Variants in TMEM208 observed in about 807,000 individuals in gnomAD.
The protein encoded by TMEM208 is transmembrane protein 208.
TMEM208 carries 19 observed loss-of-function variants against 26.4 expected under a neutral mutation model. That is an observed-to-expected ratio of 0.72 (90% confidence interval 0.50 to 1.06). TMEM208 has a LOEUF of 1.06. Among genes scored for constraint, TMEM208 ranks in the 50% least tolerant of loss-of-function variants. The pLI, the probability that TMEM208 is intolerant of heterozygous loss-of-function variation, is 0.00. For synonymous variants in TMEM208, 93 were observed against 83.1 expected (o/e 1.12, Z -0.65); for missense variants, 183 against 219.8 (o/e 0.83, Z 1.06).
intron 1 of TMEM208, chr16:67,227,548 G>A: frequency 1.8e-6 from 1 of 555,452 alleles, no homozygotes; most frequent in Non-Finnish European, 3.2e-6. Context: ...TGGAAGAGTC[G>A]TTAGCCTAAA....
In TMEM208 at chr16:67,228,357, C is replaced by T. The variant is rs778992772; in HGVS notation, c.105C>T (p.Ala35=). The T allele has an allele frequency of 6.2e-7, 1 of 1,613,990 alleles. No homozygotes were observed. Among genetic ancestry groups the T allele is most frequent in the Non-Finnish European group, 8.5e-7 (1 of 1,179,878 alleles). The stretch of plus-strand genomic sequence containing the variant: ...CCTGATCCTGTGATTGCTTGCAGGC[C>T]ATTTACTGCCTTGTGACGTTGGTCT... The part of the protein sequence containing the change: ...FYLRIILGAN[A]IYCLVTLVFF... The change falls in exon 3 of 6, where the codon GCC becomes GCT. Residue 35 remains alanine, a splice_region_variant and synonymous_variant. Transcript: ENST00000304800.
At chr16:67,228,111 G>A in intron 2 of TMEM208, 180 bp downstream of exon 2, 2 of 647,800 alleles carry the variant, frequency 3.1e-6, no homozygotes, top group Non-Finnish European at 5.3e-6. Context: ...AAATGAAGGC[G>A]TGAGTCGTAG....
intron 1 of TMEM208, 147 bp from the exon 2 acceptor site, chr16:67,227,689 G>A: frequency 3.1e-6 from 2 of 637,540 alleles, no homozygotes; most frequent in South Asian, 3.9e-5. Flanking sequence ...TGGACTGGAG[G>A]ATGGGTGGAC....
At position 67,228,840 on chromosome 16, in the gene TMEM208, C is replaced by T. The variant is rs1388122974; in HGVS notation, c.343C>T (p.Leu115Phe). 2 of 1,614,010 alleles carry T rather than the reference C, an allele frequency of 1.2e-6. No homozygotes were observed. Among genetic ancestry groups the T allele is most frequent in the South Asian group, 1.1e-5 (1 of 91,088 alleles). The change falls in exon 5 of 6, where the codon CTC becomes TTC. Residue 115 changes from leucine (L) to phenylalanine (F), a missense_variant. By Grantham distance (22) the Leu-to-Phe change is conservative. Transcript: ENST00000304800. ...CCTACTGACAGCCATCGTGCAGGTG[C>T]TCAGCTGCTTCTCTCTCTATGTCTG... is the stretch of plus-strand genomic sequence containing the variant. ...VILLTAIVQV[L>F]SCFSLYVWSF...
chr16:67,228,441 A>G (rs1384323552), intron 3 of TMEM208, 27 bp downstream of exon 3: 18 of 1,613,796 alleles, frequency 1.1e-5, no homozygotes, highest in Non-Finnish European at 1.4e-5. Flanking sequence ...TGGGAGGTGG[A>G]TGAGTGCGTA....
In TMEM208 at chr16:67,229,237, C is replaced by T; in HGVS notation, c.*124C>T. 1 of 966,992 alleles carries T rather than the reference C, an allele frequency of 1.0e-6. No individual in the cohort carries two copies. Among genetic ancestry groups the T allele is most frequent in the Non-Finnish European group, 1.5e-6 (1 of 658,884 alleles). 59.9% of individuals were successfully genotyped at this position (966,992 alleles called of 1,614,324 possible). On this transcript the variant is annotated 3_prime_UTR_variant, in exon 6 of 6. Transcript: ENST00000304800. ...AAAGCAGTCTGAGGTATTGGGTATA[C>T]TTATACTCTATAGGGTCGTTGAATA... is the stretch of plus-strand genomic sequence containing the variant.
rs1345015872 is a variant in TMEM208 at position 67,229,038 on chromosome 16, C to A, written c.447C>A (p.Asp149Glu). 3.1e-6 allele frequency: 5 copies of A among 1,613,216 alleles called. No homozygotes were observed. The African/African-American group carries it at 4.0e-5, about 13-fold the overall frequency. Reference protein sequence around the residue: ...VNVLGPWFTADSGTPAPEHNE... With the variant: ...VNVLGPWFTAESGTPAPEHNE... Reference sequence around the variant, plus strand: ...TGCTGGGCCCCTGGTTCACTGCAGACAGTGGCACCCCAGCACCAGAGCACA... The same window carrying A: ...TGCTGGGCCCCTGGTTCACTGCAGAAAGTGGCACCCCAGCACCAGAGCACA... Residue 149 changes from aspartate to glutamate, a missense_variant, in exon 6 of 6, where the codon GAC (aspartate) becomes GAA (glutamate). Asp to Glu is a conservative substitution (Grantham distance 45). Coordinates refer to ENST00000304800, the MANE Select transcript of TMEM208 (RefSeq NM_014187.4).
chr16:67,228,155 A>C (rs1435161908), intron 2 of TMEM208, 200 bp from the exon 3 acceptor site: 1 of 673,836 alleles, frequency 1.5e-6, no homozygotes, highest in Non-Finnish European at 2.5e-6. Flanking sequence ...CTCCAAGTAC[A>C]CAAAGGCTTC....
Position 67,228,878 on chromosome 16 carries a change from T to G in TMEM208, c.381T>G (p.Leu127=). ...CFSLYVWSFW[L]LAPGRALYLL... is the part of the protein sequence containing the mutation. ...CTCTCTATGTCTGGTCCTTCTGGCT[T>G]CTGGTATGTGGGCTGGGGGCGCTCC... Residue 127 remains leucine (L), a synonymous_variant, in exon 5 of 6, where the codon CTT becomes CTG. Transcript: ENST00000304800. 6.2e-7 allele frequency: 1 copy of G among 1,613,946 alleles called. No homozygotes were observed. Among genetic ancestry groups the G allele is most frequent in the Non-Finnish European group, 8.5e-7 (1 of 1,179,874 alleles).
chr16:67,227,369 G>A (rs2034061628), intron 1 of TMEM208, 145 bp downstream of exon 1: 1 of 1,223,124 alleles, frequency 8.2e-7, no homozygotes, highest in African/African-American at 1.5e-5. Flanking sequence ...AGCTGGGCTG[G>A]GGGGATGGCG....
chr16:67,228,647 C>T lies in TMEM208; in HGVS notation c.299+16C>T, dbSNP rs559995071. ...GCATGGCAGAGTGAGTGTCCCCCAC[C>T]GCCAGCCCAGGTGAGCGGCCCCAGG... is the stretch of plus-strand genomic sequence containing the variant. On this transcript the variant is annotated intron_variant, in intron 4 of 5. Transcript: ENST00000304800. The T allele has an allele frequency of 3.2e-6, 5 of 1,549,776 alleles. No individual in the cohort carries two copies. Among genetic ancestry groups the T allele is most frequent in the African/African-American group, 2.7e-5 (2 of 73,004 alleles).
Position 67,227,595 on chromosome 16 carries a change from T to C in TMEM208, c.7-241T>C, listed in dbSNP as rs1412654231. 4 of 561,290 alleles carry C rather than the reference T, an allele frequency of 7.1e-6. No homozygotes were observed. The African/African-American group carries it at 7.5e-5, about 11-fold the overall frequency. 34.8% of individuals were successfully genotyped at this position (561,290 alleles called of 1,614,324 possible). A position where few individuals can be genotyped will look rare whatever the true frequency, so the allele number is the denominator to read the frequency against. On this transcript the variant is annotated intron_variant, in intron 1 of 5. Transcript: ENST00000304800. ...ACGGGATCCAGAGGCGGTATTAGCT[T>C]AGGATTGAATTGTTCCAGGGCGAGC...
intron 2 of TMEM208, 56 bp from the exon 3 acceptor site, chr16:67,228,299 G>A: frequency 6.3e-7 from 1 of 1,587,082 alleles, no homozygotes; most frequent in Non-Finnish European, 8.7e-7. Context: ...AGTTGAGGGA[G>A]ACCCATGGTT....
intron 4 of TMEM208, 72 bp downstream of exon 4, chr16:67,228,703 C>T: frequency 3.9e-6 from 6 of 1,545,852 alleles, no homozygotes; most frequent in Non-Finnish European, 5.2e-6. Flanking sequence ...AGAAGCACAG[C>T]TACTTGTAAC....
At chr16:67,227,772 C>T (rs962551473) in intron 1 of TMEM208, 64 bp from the exon 2 acceptor site, 3 of 1,363,610 alleles carry the variant, frequency 2.2e-6, no homozygotes, top group Non-Finnish European at 3.0e-6. Context: ...TATAGCTCAC[C>T]AGGCTGGTGG....
At chr16:67,227,334 G>T (rs966372476) in intron 1 of TMEM208, 110 bp downstream of exon 1, 1 of 1,446,420 alleles carries the variant, frequency 6.9e-7, no homozygotes. Flanking sequence ...AGAGCGGGGC[G>T]CCATCCCTGG....
rs757458185 is a variant in TMEM208 at position 67,228,575 on chromosome 16, G to T, written c.243G>T (p.Glu81Asp). The change falls in exon 4 of 6, where the codon GAG (glutamate) becomes GAT (aspartate). Residue 81 changes from glutamate to aspartate, a missense_variant. Coordinates refer to ENST00000304800, the MANE Select transcript of TMEM208 (RefSeq NM_014187.4). ...CGATGGCACGAGCAGCGTTCTCTGA[G>T]GATGGGGCCCTGATGGATGGTGGCA... ...MSSMARAAFS[E>D]DGALMDGGMD... 1 of 1,607,204 alleles carries T rather than the reference G, an allele frequency of 6.2e-7. No individual in the cohort carries two copies. The highest frequency in any genetic ancestry group is 1.1e-5 in the South Asian group (1 of 90,342).
chr16:67,227,543 G>A (rs1597308312), intron 1 of TMEM208: 1 of 558,978 alleles, frequency 1.8e-6, no homozygotes, highest in East Asian at 3.0e-5. Flanking sequence ...ACCCTTGGAA[G>A]AGTCGTTAGC....
In TMEM208 at chr16:67,228,863, C is replaced by G. The variant is rs34502419; in HGVS notation, c.366C>G (p.Val122=). Residue 122 remains valine, a synonymous_variant, in exon 5 of 6, where the codon GTC becomes GTG. Transcript: ENST00000304800. ...TGCTCAGCTGCTTCTCTCTCTATGT[C>G]TGGTCCTTCTGGCTTCTGGTATGTG... The part of the protein sequence containing the change: ...VQVLSCFSLY[V]WSFWLLAPGR... The G allele has an allele frequency of 1.2e-6, 2 of 1,614,026 alleles. No homozygotes were observed. Among genetic ancestry groups the G allele is most frequent in the East Asian group, 2.2e-5 (1 of 44,892 alleles).
Sources: gnomAD v4.1 joint callset for allele counts on GRCh38, gnomAD v4.1.1 for gene constraint, MANE v1.5 for transcripts, NCBI Gene and HGNC (gene_info 2026-07-23, HGNC 2026-07-21) for gene names.